EPHA10: variants seen among roughly 807,000 people sequenced by gnomAD.
The protein encoded by EPHA10 is ephrin type-A receptor 10.
In EPHA10, 120 loss-of-function variants were observed where a neutral mutation model predicts 109.7. The ratio of observed to expected loss-of-function variants is 1.09; its 90% CI spans 0.94 to 1.27. The LOEUF is 1.27. EPHA10 is among the 50% of genes most tolerant of loss of function. The pLI, the probability that EPHA10 is intolerant of heterozygous loss-of-function variation, is 0.00. For missense variants in EPHA10, 1,396 were observed against 1,411.1 expected (o/e 0.99, Z 0.17); for synonymous variants, 640 against 618.9 (o/e 1.03, Z -0.51).
At chr1:37,730,967 C>T (rs921672562) in intron 7 of EPHA10, among the ~76,000 whole-genome samples, 2 of 152,218 alleles carry the variant, frequency 1.3e-5, no homozygotes, top group East Asian at 1.9e-4. Context: ...GCTGGGATTA[C>T]AGGTGTGAGC....
chr1:37,746,576 A>G (rs1382700248), intron 5 of EPHA10, among the ~76,000 whole-genome samples: 2 of 152,220 alleles, frequency 1.3e-5, no homozygotes, highest in East Asian at 3.8e-4. Context: ...CATATGACTT[A>G]GCAATTCTAC....
At position 37,717,279 on chromosome 1, in the gene EPHA10, T is replaced by C. The variant is rs539634503; in HGVS notation, c.*1093A>G. 9 of 232,988 alleles carry C rather than the reference T, an allele frequency of 3.9e-5. No homozygotes were observed. In the East Asian group the frequency reaches 5.4e-4, roughly 14 times the overall value. The allele number at this position is 232,988 out of a possible 1,614,324, so 14.4% of individuals were successfully genotyped here. A position where few individuals can be genotyped will look rare whatever the true frequency, so the allele number is the denominator to read the frequency against. ...AGGGGCTCCATGGAAGGCTGGGTAG[T>C]GCCCAAGGCACGGAGCTGGCTGGAG... On this transcript the variant is annotated 3_prime_UTR_variant, in exon 17 of 17. Coordinates refer to ENST00000373048, the MANE Select transcript of EPHA10 (RefSeq NM_001099439.2).
Position 37,753,036 on chromosome 1 carries a change from T to C in EPHA10, c.1197A>G (p.Leu399=). 3.2e-6 allele frequency: 4 copies of C among 1,233,126 alleles called. No individual in the cohort carries two copies. In the South Asian group the frequency reaches 9.0e-5, roughly 28 times the overall value. 76.4% of individuals were successfully genotyped at this position (1,233,126 alleles called of 1,614,324 possible). A position where few individuals can be genotyped will look rare whatever the true frequency, so the allele number is the denominator to read the frequency against. The change falls in exon 5 of 17, where the codon CTA becomes CTG. Residue 399 remains leucine, a synonymous_variant. Transcript: ENST00000373048. Reference sequence around the variant, plus strand: ...GCTCCCGCAGCCCTGCCTGGCGCGGTAGGAAGGCCACGCGCGGCCCGCACG... The same window carrying C: ...GCTCCCGCAGCCCTGCCTGGCGCGGCAGGAAGGCCACGCGCGGCCCGCACG... ...CEPCGPRVAF[L]PRQAGLRERA...
intron 2 of EPHA10, 53 bp from the exon 3 acceptor site, chr1:37,762,136 G>A (rs1045474735): frequency 2.0e-5 from 30 of 1,504,902 alleles, no homozygotes; most frequent in Non-Finnish European, 2.5e-5. Context: ...GCTTCCAGGA[G>A]GTGGAGCGCT....
At chr1:37,727,276 A>C in intron 7 of EPHA10, 66 bp from the exon 8 acceptor site, 2 of 1,289,266 alleles carry the variant, frequency 1.6e-6, no homozygotes, top group Admixed American at 2.5e-5. Context: ...CCCAGGGCAG[A>C]CTCCTGTCCT....
At chr1:37,757,190 T>C (rs1286431404) in intron 3 of EPHA10, among the ~76,000 whole-genome samples, 2 of 152,166 alleles carry the variant, frequency 1.3e-5, no homozygotes, top group East Asian at 3.9e-4. Flanking sequence ...AAACCCCAGC[T>C]CTTTTACTAA....
At chr1:37,715,942 T>C (rs1645685011), downstream of EPHA10, 1 of 575,598 alleles carries the variant, frequency 1.7e-6, no homozygotes, top group African/African-American at 1.8e-5. Context: ...AGCTATACAA[T>C]GATCAAGCAA....
At chr1:37,732,026 T>G (rs1423014242) in intron 6 of EPHA10, among the ~76,000 whole-genome samples, 5 of 140,318 alleles carry the variant, frequency 3.6e-5, no homozygotes, top group Non-Finnish European at 4.7e-5. Context: ...TTCCTCGATG[T>G]CTGATTTTTC....
At chr1:37,763,529 G>T (rs1646450999) in intron 1 of EPHA10, among the ~76,000 whole-genome samples, 1 of 152,116 alleles carries the variant, frequency 6.6e-6, no homozygotes, top group Non-Finnish European at 1.5e-5. Context: ...TGACATATTG[G>T]GGGTGGGGGT....
At chr1:37,735,764 G>C (rs1340633044) in intron 5 of EPHA10, among the ~76,000 whole-genome samples, 1 of 152,054 alleles carries the variant, frequency 6.6e-6, no homozygotes, top group Non-Finnish European at 1.5e-5. Context: ...AGCATTTAGA[G>C]GCAGAAGGAC....
rs1645806489 is a variant in EPHA10 at position 37,721,998 on chromosome 1, G to C, written c.1961-153C>G. The C allele has an allele frequency of 4.4e-6, 3 of 677,170 alleles. No individual in the cohort carries two copies. In the Middle Eastern group the frequency reaches 8.2e-4, roughly 186 times the overall value. The allele number at this position is 677,170 out of a possible 1,614,324, so 41.9% of individuals were successfully genotyped here. ...ATACAAAAATTAACCAGACAAGGTG[G>C]CACATGCCTGTAATCCCAGCTACTT... On this transcript the variant is annotated intron_variant, in intron 10 of 16. Transcript: ENST00000373048.
intron 5 of EPHA10, among the ~76,000 whole-genome samples, chr1:37,749,998 G>A (rs77488479): frequency 0.015 from 2,357 of 152,200 alleles, 62 homozygotes; most frequent in African/African-American, 0.055. Context: ...ATCCATTGTT[G>A]ACCAAAATGT....
At chr1:37,758,778 G>A (rs1328704000) in intron 3 of EPHA10, among the ~76,000 whole-genome samples, 3 of 152,106 alleles carry the variant, frequency 2.0e-5, no homozygotes, top group South Asian at 2.1e-4. Context: ...TTCAAGTACT[G>A]TCTCTGTCTT....
rs755780922 is a variant in EPHA10, at chr1:37,720,350, C to G, written c.2412+1G>C. ...GCAGGCTTGGCTGGGGGCGCCCTCA[C>G]CATAGTGGTGTAGACAGCCTCTGAT... On this transcript the variant is annotated splice_donor_variant, in intron 13 of 16. Transcript: ENST00000373048. LOFTEE classifies it high-confidence loss of function. The G allele has an allele frequency of 1.9e-6, 3 of 1,601,762 alleles. No homozygotes were observed. The highest frequency in any genetic ancestry group is 2.3e-5 in the East Asian group (1 of 44,278).
intron 8 of EPHA10, among the ~76,000 whole-genome samples, chr1:37,724,953 T>C (rs11264092): frequency 0.27 from 41,356 of 151,972 alleles, 5,913 homozygotes; most frequent in Middle Eastern, 0.41. Context: ...GAGGGGAACA[T>C]TAGGAGTAAT....
chr1:37,735,289 C>T lies in EPHA10; in HGVS notation c.1459G>A (p.Asp487Asn), dbSNP rs1297730927. ...PIPAGAPGAN[D>N]TEYEIRYYEK... ...TAGTATCGGATCTCGTACTCCGTGT[C>T]ATTGGCCCCAGGGGCTCCGGCAGGG... The change falls in exon 6 of 17, where the codon GAC becomes AAC. Residue 487 changes from aspartate to asparagine, a missense_variant. Asp to Asn is a conservative substitution (Grantham distance 23, BLOSUM62 1). Coordinates refer to ENST00000373048, the MANE Select transcript of EPHA10 (RefSeq NM_001099439.2). 3.2e-6 allele frequency: 5 copies of T among 1,563,314 alleles called. No individual in the cohort carries two copies. The South Asian group carries it at 3.5e-5, about 11-fold the overall frequency.
At chr1:37,720,251 G>T in intron 13 of EPHA10, 100 bp downstream of exon 13, 1 of 1,421,042 alleles carries the variant, frequency 7.0e-7, no homozygotes, top group Non-Finnish European at 9.4e-7. Context: ...CCAACTGGGT[G>T]GAGGGGCAGG....
rs368460028 is a variant in EPHA10 at position 37,754,204 on chromosome 1, G to C, written c.1006+11C>G. ...CCACCCTCCGCAGTGCAGCCTGGAG[G>C]GGGGACTCACGGGTGCAGGAAGCCG... On this transcript the variant is annotated intron_variant, in intron 4 of 16. Transcript: ENST00000373048. This position sits in a 1 kb window ranked among gnomAD's most constrained non-coding sequence, Gnocchi z 4.5. The C allele has an allele frequency of 4.7e-6, 6 of 1,286,118 alleles. No individual in the cohort carries two copies. Among genetic ancestry groups the C allele is most frequent in the African/African-American group, 3.1e-5 (2 of 64,718 alleles). 79.7% of individuals were successfully genotyped at this position (1,286,118 alleles called of 1,614,324 possible).
chr1:37,718,335 C>A lies in EPHA10; in HGVS notation c.*37G>T, dbSNP rs1346341879. ...CTTGGGCAGGGCTGGGGGACTGGACCCCCACCGGAGTCCTGCCTTGGAAGA... is the reference window on the plus strand; with the variant it reads ...CTTGGGCAGGGCTGGGGGACTGGACACCCACCGGAGTCCTGCCTTGGAAGA... On this transcript the variant is annotated 3_prime_UTR_variant, in exon 17 of 17. Transcript: ENST00000373048. The A allele has an allele frequency of 2.0e-6, 3 of 1,526,270 alleles. No homozygotes were observed. Among genetic ancestry groups the A allele is most frequent in the Admixed American group, 1.8e-5 (1 of 55,008 alleles). The allele number at this position is 1,526,270 out of a possible 1,614,324, so 94.5% of individuals were successfully genotyped here. A position where few individuals can be genotyped will look rare whatever the true frequency, so the allele number is the denominator to read the frequency against.
Sources: gnomAD v4.1 joint callset for allele counts (sites outside exome capture counted in the v4.1 genomes callset) on GRCh38, gnomAD v4.1.1 for gene constraint, Gnocchi (gnomAD v3.1) non-coding constraint, MANE v1.5 for transcripts, NCBI Gene and HGNC (gene_info 2026-07-23, HGNC 2026-07-21) for gene names.